Variants in ITPR1 observed in about 807,000 individuals in gnomAD.
ITPR1 encodes inositol 1,4,5-trisphosphate receptor type 1.
In ITPR1, 96 loss-of-function variants were observed where a neutral mutation model predicts 318.4. The ratio of observed to expected loss-of-function variants is 0.30; its 90% CI spans 0.26 to 0.36. The LOEUF (loss-of-function observed/expected upper bound fraction) is 0.36, where lower values mean the gene tolerates loss of function less well. Ranked by LOEUF, ITPR1 falls within the 10% of genes least tolerant of loss-of-function variation. The probability of loss-of-function intolerance (pLI) is 1.00; values close to 1 mark genes in which losing one functional copy is unlikely to be tolerated. For synonymous variants in ITPR1, 1,312 were observed against 1,289.9 expected (o/e 1.02, Z -0.37); for missense variants, 2,440 against 3,460.2 (o/e 0.71, Z 7.40).
intron 4 of ITPR1, among the ~76,000 whole-genome samples, chr3:4,525,160 C>T (rs779436175): frequency 5.9e-5 from 9 of 152,040 alleles, no homozygotes; most frequent in Non-Finnish European, 1.3e-4. Context: ...AGCCCCAGTG[C>T]TCGTGTATGC....
chr3:4,659,873 TAATA>T (rs2093796829), intron 13 of ITPR1, among the ~76,000 whole-genome samples: 1 of 152,180 alleles, frequency 6.6e-6, no homozygotes, highest in South Asian at 2.1e-4. Context: ...CAATAGAATA[TAATA>T]AATTTGTATT....
At chr3:4,653,397 C>T (rs1294308858) in intron 11 of ITPR1, among the ~76,000 whole-genome samples, 4 of 152,228 alleles carry the variant, frequency 2.6e-5, no homozygotes, top group Non-Finnish European at 1.5e-5. Context: ...TAGGGAATTA[C>T]AGACCCAGCT....
At chr3:4,770,643 C>T (rs748690252) in intron 46 of ITPR1, among the ~76,000 whole-genome samples, 4 of 152,170 alleles carry the variant, frequency 2.6e-5, no homozygotes, top group Non-Finnish European at 5.9e-5. Context: ...TGATCCCTGT[C>T]GCCATCTGAG....
chr3:4,623,872 C>T (rs1017187846), intron 4 of ITPR1, among the ~76,000 whole-genome samples: 4 of 152,156 alleles, frequency 2.6e-5, no homozygotes, highest in African/African-American at 9.7e-5. Context: ...ACACTTAATG[C>T]AATGCAATAC....
At position 4,725,340 on chromosome 3, in the gene ITPR1, C is replaced by T. The variant is rs527462541; in HGVS notation, c.5137-206C>T. On this transcript the variant is annotated intron_variant, in intron 40 of 61. Transcript: ENST00000649015. ...TTCCCCCATCGCAGGTCGATTGTCT[C>T]CTCCAGCACAACCACATTCAGTTTG... Among the ~76,000 whole-genome samples the T allele has an allele frequency of 9.9e-5, 15 of 152,140 alleles. No individual in the cohort carries two copies. The East Asian group carries it at 2.9e-3, about 29-fold the overall frequency.
chr3:4,639,514 A>G, intron 6 of ITPR1, 44 bp downstream of exon 6: 1 of 1,386,398 alleles, frequency 7.2e-7, no homozygotes, highest in South Asian at 1.2e-5. Context: ...AAGCGTTACA[A>G]AGAATGCAGC....
chr3:4,732,167 C>G (rs1559792001), intron 42 of ITPR1, among the ~76,000 whole-genome samples: 1 of 152,126 alleles, frequency 6.6e-6, no homozygotes, highest in South Asian at 2.1e-4. Flanking sequence ...CATGCTGCCT[C>G]TGGTTACTGG....
At chr3:4,783,605 G>T (rs1372271250) in intron 50 of ITPR1, among the ~76,000 whole-genome samples, 1 of 152,228 alleles carries the variant, frequency 6.6e-6, no homozygotes, top group Non-Finnish European at 1.5e-5. Context: ...CCATGTGTGG[G>T]CACGAGCTTT....
intron 4 of ITPR1, among the ~76,000 whole-genome samples, chr3:4,548,786 A>G (rs1220745138): frequency 1.3e-5 from 2 of 152,240 alleles, no homozygotes; most frequent in African/African-American, 4.8e-5. Context: ...TTTAATCTAA[A>G]GTAACTTCTT....
chr3:4,656,708 T>C (rs2093717107), intron 12 of ITPR1, among the ~76,000 whole-genome samples: 1 of 152,206 alleles, frequency 6.6e-6, no homozygotes. Context: ...TTGATTTGAT[T>C]TCCGTTTCTT....
chr3:4,763,476 C>T (rs2045596266), intron 44 of ITPR1, among the ~76,000 whole-genome samples: 1 of 152,140 alleles, frequency 6.6e-6, no homozygotes, highest in African/African-American at 2.4e-5. Flanking sequence ...TAACTGAGCA[C>T]ACCTCTCATT....
At chr3:4,531,173 A>G (rs1559394619) in intron 4 of ITPR1, among the ~76,000 whole-genome samples, 1 of 152,158 alleles carries the variant, frequency 6.6e-6, no homozygotes, top group African/African-American at 2.4e-5. Flanking sequence ...AGTGTCTGCC[A>G]CTTAAGTGAA....
At chr3:4,778,220 CAATTG>C (rs1389051305) in intron 48 of ITPR1, among the ~76,000 whole-genome samples, 2 of 152,204 alleles carry the variant, frequency 1.3e-5, no homozygotes, top group African/African-American at 2.4e-5. Flanking sequence ...TCAGTTTTAA[CAATTG>C]AGCTTGCAGG....
At chr3:4,801,369 A>G (rs1204506349) in intron 54 of ITPR1, among the ~76,000 whole-genome samples, 2 of 152,206 alleles carry the variant, frequency 1.3e-5, no homozygotes, top group Non-Finnish European at 2.9e-5. Context: ...AAAGCCCCAA[A>G]GGGAGTATTC....
chr3:4,627,714 T>G, intron 4 of ITPR1, 49 bp from the exon 5 acceptor site: 1 of 1,106,628 alleles, frequency 9.0e-7, no homozygotes, highest in South Asian at 1.3e-5. Context: ...TTAGGCTGAG[T>G]CTCTATACAC....
At chr3:4,775,125 G>A (rs757974343) in intron 46 of ITPR1, 117 bp from the exon 47 acceptor site, 111 of 779,614 alleles carry the variant, frequency 1.4e-4, no homozygotes, top group Non-Finnish European at 2.1e-4. Context: ...GCTCTCCCAC[G>A]TGGCATCTCT....
intron 53 of ITPR1, among the ~76,000 whole-genome samples, chr3:4,796,349 T>C (rs1269867891): frequency 6.6e-6 from 1 of 152,016 alleles, no homozygotes; most frequent in Non-Finnish European, 1.5e-5. Context: ...TGTCTATGTC[T>C]AAAAAGATTT....
intron 21 of ITPR1, 111 bp downstream of exon 21, chr3:4,673,498 A>C: frequency 8.8e-7 from 1 of 1,139,526 alleles, no homozygotes; most frequent in Non-Finnish European, 1.2e-6. Context: ...TTTTTTCTTC[A>C]AGCTTAAAAT....
intron 2 of ITPR1, among the ~76,000 whole-genome samples, chr3:4,497,414 C>T (rs987505959): frequency 1.3e-5 from 2 of 152,140 alleles, no homozygotes; most frequent in African/African-American, 4.8e-5. Flanking sequence ...TCCAGGTGCT[C>T]AGGATATAGC....
Sources: gnomAD v4.1 joint callset for allele counts (sites outside exome capture counted in the v4.1 genomes callset) on GRCh38, gnomAD v4.1.1 for gene constraint, MANE v1.5 for transcripts, NCBI Gene and HGNC (gene_info 2026-07-23, HGNC 2026-07-21) for gene names.